Variants in PELI2 observed in about 807,000 individuals in gnomAD.
PELI2 encodes the protein E3 ubiquitin-protein ligase pellino homolog 2.
Under a neutral mutation model 42.3 loss-of-function variants are expected in PELI2, and 23 were observed. That is an observed-to-expected ratio of 0.54 (90% confidence interval 0.39 to 0.77). The LOEUF (loss-of-function observed/expected upper bound fraction) is 0.77. Ranked by LOEUF, PELI2 falls within the 30% of genes least tolerant of loss-of-function variation. PELI2 has a pLI of 0.00. For missense variants in PELI2, 463 were observed against 553.2 expected (o/e 0.84, Z 1.64); for synonymous variants, 245 against 212.2 (o/e 1.15, Z -1.34).
At chr14:56,217,282 G>A (rs1013707173) in intron 2 of PELI2, among the ~76,000 whole-genome samples, 1 of 152,158 alleles carries the variant, frequency 6.6e-6, no homozygotes, top group Non-Finnish European at 1.5e-5. Flanking sequence ...CAGCGCCCCT[G>A]CCCCCTCCAC....
At position 56,180,993 on chromosome 14, in the gene PELI2, C is replaced by T. The variant is rs762706330; in HGVS notation, c.207+2529C>T. On this transcript the variant is annotated intron_variant, in intron 2 of 5. Transcript: ENST00000267460. This position sits in a 1 kb window ranked among gnomAD's most constrained non-coding sequence, Gnocchi z 4.4. ...GTTTGTGGAACATATTTCAGTGACT[C>T]GGTACCTACCCCCGAGTCTCTTTCT... is the stretch of plus-strand genomic sequence containing the variant. 3.3e-5 allele frequency among the ~76,000 whole-genome samples: 5 copies of T among 152,178 alleles called. No individual in the cohort carries two copies. Among genetic ancestry groups the T allele is most frequent in the East Asian group, 1.9e-4 (1 of 5,196 alleles).
intron 2 of PELI2, among the ~76,000 whole-genome samples, chr14:56,209,535 T>C (rs1406659054): frequency 1.6e-5 from 2 of 124,968 alleles, no homozygotes; most frequent in Non-Finnish European, 3.7e-5. Context: ...GTTTTTTTAA[T>C]AAAATATTTC....
intron 2 of PELI2, among the ~76,000 whole-genome samples, chr14:56,182,877 A>AGC (rs1448441667): frequency 2.0e-5 from 3 of 152,150 alleles, no homozygotes; most frequent in Admixed American, 2.0e-4. Context: ...CCACTTTGGA[A>AGC]GCGCTCACTG....
chr14:56,277,745 A>G (rs927856674), intron 2 of PELI2, among the ~76,000 whole-genome samples: 3 of 152,132 alleles, frequency 2.0e-5, no homozygotes, highest in Non-Finnish European at 4.4e-5. Flanking sequence ...ATTTGGGAGA[A>G]ATACTTAAAT....
chr14:56,148,054 C>T (rs542806992), intron 1 of PELI2, among the ~76,000 whole-genome samples: 1 of 152,314 alleles, frequency 6.6e-6, no homozygotes, highest in South Asian at 2.1e-4. Flanking sequence ...TTATCTTTCC[C>T]TGGTAAATCC....
chr14:56,300,824 T>G lies in PELI2; in HGVS notation c.*3658T>G, dbSNP rs1481838697. ...TTTGTGGCTTAGGTTATGATGCGCC[T>G]CCTTCTGTGCGACCAATGAGACGAC... On this transcript the variant is annotated 3_prime_UTR_variant, in exon 6 of 6. Coordinates refer to ENST00000267460, the MANE Select transcript of PELI2 (RefSeq NM_021255.3). The G allele has an allele frequency of 2.0e-5, 3 of 152,190 alleles. 1 individual carries two copies. The highest frequency in any genetic ancestry group is 1.3e-4 in the Admixed American group (2 of 15,274). 9.4% of individuals were successfully genotyped at this position (152,190 alleles called of 1,614,324 possible). A position where few individuals can be genotyped will look rare whatever the true frequency, so the allele number is the denominator to read the frequency against.
intron 1 of PELI2, among the ~76,000 whole-genome samples, chr14:56,140,254 C>T (rs768226311): frequency 5.6e-4 from 85 of 152,292 alleles, no homozygotes; most frequent in Middle Eastern, 3.4e-3. Flanking sequence ...TAATAACAGC[C>T]TCCTCCTCCC....
At chr14:56,216,469 A>G (rs967717564) in intron 2 of PELI2, among the ~76,000 whole-genome samples, 8 of 152,252 alleles carry the variant, frequency 5.3e-5, no homozygotes, top group Admixed American at 1.3e-4. Context: ...TAAAACACAC[A>G]TACTCATACC....
chr14:56,210,738 A>C (rs1019029040), intron 2 of PELI2, among the ~76,000 whole-genome samples: 2 of 152,160 alleles, frequency 1.3e-5, no homozygotes, highest in Non-Finnish European at 2.9e-5. Flanking sequence ...GTTTCCCACA[A>C]TAATGGCATG....
intron 2 of PELI2, among the ~76,000 whole-genome samples, chr14:56,275,942 C>T (rs939681679): frequency 2.0e-5 from 3 of 152,178 alleles, no homozygotes; most frequent in African/African-American, 7.2e-5. Flanking sequence ...ACCTGCTCTC[C>T]TTTCTGATAT....
chr14:56,157,824 A>G (rs1474715527), intron 1 of PELI2, among the ~76,000 whole-genome samples: 2 of 152,230 alleles, frequency 1.3e-5, no homozygotes, highest in African/African-American at 4.8e-5. Context: ...TTAAAAGGAA[A>G]AGACACTGGA....
chr14:56,260,510 G>C (rs1888675259), intron 2 of PELI2, among the ~76,000 whole-genome samples: 1 of 152,194 alleles, frequency 6.6e-6, no homozygotes, highest in Non-Finnish European at 1.5e-5. Context: ...TGAAGGAACT[G>C]TTTGGGGTGA....
intron 2 of PELI2, among the ~76,000 whole-genome samples, chr14:56,228,736 A>G (rs1157046297): frequency 6.6e-6 from 1 of 152,202 alleles, no homozygotes; most frequent in African/African-American, 2.4e-5. Context: ...TACCAGGTTC[A>G]TCTCACTGGG....
intron 2 of PELI2, among the ~76,000 whole-genome samples, chr14:56,201,708 C>G (rs964567567): frequency 3.9e-5 from 6 of 152,136 alleles, no homozygotes; most frequent in African/African-American, 1.4e-4. Flanking sequence ...TCAGTTGCAC[C>G]ATAGTTTACC....
chr14:56,203,462 T>C (rs1326250043), intron 2 of PELI2, among the ~76,000 whole-genome samples: 1 of 152,096 alleles, frequency 6.6e-6, no homozygotes, highest in Non-Finnish European at 1.5e-5. Flanking sequence ...AGTGTGTGTG[T>C]GTGTATGTGT....
At chr14:56,131,923 C>G (rs367937471) in intron 1 of PELI2, among the ~76,000 whole-genome samples, 1 of 152,124 alleles carries the variant, frequency 6.6e-6, no homozygotes, top group Non-Finnish European at 1.5e-5. Context: ...TTAATCGTGC[C>G]GAGTTCAGGA....
intron 1 of PELI2, among the ~76,000 whole-genome samples, chr14:56,142,873 G>A (rs1034537055): frequency 2.0e-5 from 3 of 151,554 alleles, no homozygotes; most frequent in Non-Finnish European, 2.9e-5. Context: ...TTTTCATTTT[G>A]ATCTTATGTA....
chr14:56,182,216 A>G (rs1168652241), intron 2 of PELI2, among the ~76,000 whole-genome samples: 5 of 152,004 alleles, frequency 3.3e-5, no homozygotes, highest in Non-Finnish European at 5.9e-5. Flanking sequence ...AGAGGAGTTG[A>G]CCAAAAAAGC....
At chr14:56,195,715 T>G (rs993214550) in intron 2 of PELI2, among the ~76,000 whole-genome samples, 7 of 152,196 alleles carry the variant, frequency 4.6e-5, no homozygotes, top group Admixed American at 2.0e-4. Context: ...ACCTTGGCTG[T>G]GTTAGTCCAT....
Sources: gnomAD v4.1 joint callset for allele counts (sites outside exome capture counted in the v4.1 genomes callset) on GRCh38, gnomAD v4.1.1 for gene constraint, Gnocchi (gnomAD v3.1) non-coding constraint, MANE v1.5 for transcripts, NCBI Gene and HGNC (gene_info 2026-07-23, HGNC 2026-07-21) for gene names.